The following ADARB2 variants were observed in gnomAD, a reference collection of about 807,000 sequenced individuals.
ADARB2 encodes the protein adenosine deaminase RNA specific B2 (inactive), also known as inactive double-stranded RNA-specific editase B2.
In ADARB2, 25 loss-of-function variants were observed where a neutral mutation model predicts 62.2. The observed-to-expected ratio is 0.40, with a 90% CI of 0.29 to 0.56. The LOEUF is 0.56. ADARB2 is among the 20% of genes least tolerant of loss of function. The pLI, the probability that ADARB2 is intolerant of heterozygous loss-of-function variation, is 0.43. For synonymous variants in ADARB2, 572 were observed against 500.8 expected (o/e 1.14, Z -1.90); for missense variants, 1,071 against 1,077.4 (o/e 0.99, Z 0.08).
chr10:1,251,917 C>A lies in ADARB2; in HGVS notation c.1193-9618G>T, dbSNP rs140816864. ...TCCTGGAGGCAGAGTGCAGCCCTCTCGACACCAAGCCTGCTGACGTCTGGA... is the reference window on the plus strand; with the variant it reads ...TCCTGGAGGCAGAGTGCAGCCCTCTAGACACCAAGCCTGCTGACGTCTGGA... On this transcript the variant is annotated intron_variant, in intron 4 of 9. Coordinates refer to ENST00000381312, the MANE Select transcript of ADARB2 (RefSeq NM_018702.4). Among the ~76,000 whole-genome samples, 3 of 152,308 alleles carry A rather than the reference C, an allele frequency of 2.0e-5. No individual in the cohort carries two copies. In the East Asian group the frequency reaches 5.8e-4, roughly 29 times the overall value.
At chr10:1,603,122 C>T (rs1588319485) in intron 1 of ADARB2, among the ~76,000 whole-genome samples, 1 of 150,070 alleles carries the variant, frequency 6.7e-6, no homozygotes, top group East Asian at 1.9e-4. Flanking sequence ...TATACACACA[C>T]ACCTATACAC....
At chr10:1,707,278 AGAG>A (rs1834901463) in intron 1 of ADARB2, among the ~76,000 whole-genome samples, 1 of 152,230 alleles carries the variant, frequency 6.6e-6, no homozygotes, top group Non-Finnish European at 1.5e-5. Context: ...CCACCTCGTC[AGAG>A]GAGGCAGAGG....
At position 1,699,051 on chromosome 10, in the gene ADARB2, A is replaced by G. The variant is rs74531772; in HGVS notation, c.100+38000T>C. Among the ~76,000 whole-genome samples, 507 of 152,348 alleles carry G rather than the reference A, an allele frequency of 3.3e-3. 15 individuals are homozygous for G. The East Asian group carries it at 0.072, about 22-fold the overall frequency. ...GCTGGGATTACAGGCATGAGCCACC[A>G]TGCCTGGCTGCAAATGACTTTTTTT... On this transcript the variant is annotated intron_variant, in intron 1 of 9. Transcript: ENST00000381312.
intron 1 of ADARB2, among the ~76,000 whole-genome samples, chr10:1,424,478 C>T (rs761918423): frequency 2.0e-5 from 3 of 152,158 alleles, no homozygotes; most frequent in East Asian, 1.9e-4. Context: ...TGGATTCTCG[C>T]GGATATTTAC....
At chr10:1,702,393 G>A (rs1445507928) in intron 1 of ADARB2, among the ~76,000 whole-genome samples, 1 of 152,192 alleles carries the variant, frequency 6.6e-6, no homozygotes, top group Non-Finnish European at 1.5e-5. Flanking sequence ...AAAGGCTGAG[G>A]AGGGAAGATG....
intron 1 of ADARB2, among the ~76,000 whole-genome samples, chr10:1,418,810 T>C (rs1282482599): frequency 1.7e-5 from 2 of 120,968 alleles, no homozygotes; most frequent in African/African-American, 3.0e-5. Flanking sequence ...TCAAAGTTTC[T>C]GCAGGATAAC....
At chr10:1,308,475 T>C (rs1831653275) in intron 3 of ADARB2, among the ~76,000 whole-genome samples, 1 of 152,188 alleles carries the variant, frequency 6.6e-6, no homozygotes, top group African/African-American at 2.4e-5. Flanking sequence ...GTGCCTTTTT[T>C]CTGTGTGGAC....
intron 1 of ADARB2, among the ~76,000 whole-genome samples, chr10:1,379,914 TC>T (rs1832467086): frequency 6.6e-6 from 1 of 152,218 alleles, no homozygotes; most frequent in African/African-American, 2.4e-5. Context: ...GCTTTTTTAC[TC>T]CCATGGTCTC....
At chr10:1,625,928 G>A (rs939098723) in intron 1 of ADARB2, among the ~76,000 whole-genome samples, 5 of 75,448 alleles carry the variant, frequency 6.6e-5, no homozygotes. Flanking sequence ...CTCCTGCATG[G>A]ACACAGGCCT....
At chr10:1,466,965 G>A (rs1831261940) in intron 1 of ADARB2, among the ~76,000 whole-genome samples, 1 of 152,142 alleles carries the variant, frequency 6.6e-6, no homozygotes, top group Admixed American at 6.5e-5. Flanking sequence ...GAGTGGTGGA[G>A]ACAGGATTCA....
chr10:1,265,063 G>A (rs954670366), intron 4 of ADARB2, among the ~76,000 whole-genome samples: 2 of 152,182 alleles, frequency 1.3e-5, no homozygotes, highest in African/African-American at 4.8e-5. Flanking sequence ...GGGCCTTGAT[G>A]CCTGCTTCCA....
At chr10:1,628,856 C>A (rs1447686790) in intron 1 of ADARB2, among the ~76,000 whole-genome samples, 2 of 152,244 alleles carry the variant, frequency 1.3e-5, no homozygotes, top group African/African-American at 2.4e-5. Context: ...CACTTCCAGG[C>A]CAGCGAATCA....
chr10:1,543,461 A>G (rs1040668570), intron 1 of ADARB2, among the ~76,000 whole-genome samples: 9 of 152,232 alleles, frequency 5.9e-5, no homozygotes, highest in African/African-American at 1.9e-4. Flanking sequence ...AAAGAGATCA[A>G]TTAAAGCTCT....
intron 1 of ADARB2, among the ~76,000 whole-genome samples, chr10:1,723,207 T>C (rs1370106370): frequency 1.3e-5 from 2 of 152,242 alleles, no homozygotes; most frequent in African/African-American, 2.4e-5. Flanking sequence ...ACTTCTGTTT[T>C]AACAGCAACA....
At chr10:1,384,192 G>A (rs1420309995) in intron 1 of ADARB2, among the ~76,000 whole-genome samples, 1 of 152,204 alleles carries the variant, frequency 6.6e-6, no homozygotes, top group Non-Finnish European at 1.5e-5. Flanking sequence ...GGGATAGACG[G>A]TGCAGAGGAA....
chr10:1,321,369 G>A (rs555110451), intron 3 of ADARB2, among the ~76,000 whole-genome samples: 2 of 152,262 alleles, frequency 1.3e-5, no homozygotes, highest in South Asian at 4.2e-4. Context: ...AGATACAGAA[G>A]TATGCTACTA....
intron 2 of ADARB2, among the ~76,000 whole-genome samples, chr10:1,378,688 G>A (rs944714319): frequency 7.2e-5 from 11 of 152,058 alleles, no homozygotes; most frequent in African/African-American, 2.4e-4. Context: ...TGGGACCACA[G>A]GTGAGGATGA....
chr10:1,698,005 T>C (rs10751815), intron 1 of ADARB2, among the ~76,000 whole-genome samples: 149,000 of 152,294 alleles, frequency 0.98, 72,990 homozygotes, highest in East Asian at 1. Context: ...TACGCGACTT[T>C]CACCTGTCAG....
chr10:1,194,922 T>C (rs1373389092), intron 8 of ADARB2, among the ~76,000 whole-genome samples: 1 of 152,226 alleles, frequency 6.6e-6, no homozygotes, highest in Non-Finnish European at 1.5e-5. Flanking sequence ...GCTTGTTTTT[T>C]GTGTGTGGCA....
Sources: allele counts gnomAD v4.1 joint callset (sites outside exome capture counted in the v4.1 genomes callset), GRCh38; gene constraint gnomAD v4.1.1; transcripts MANE v1.5; gene names NCBI Gene and HGNC (gene_info 2026-07-23, HGNC 2026-07-21).